The following BCL6 variants were observed in gnomAD, a reference collection of about 807,000 sequenced individuals.
BCL6 encodes B-cell lymphoma 6 protein.
In BCL6, 7 loss-of-function variants were observed where a neutral mutation model predicts 59.5. The observed-to-expected ratio is 0.12, with a 90% CI of 0.07 to 0.22. BCL6 has a LOEUF of 0.22. Among genes scored for constraint, BCL6 ranks in the 10% least tolerant of loss-of-function variants. The pLI is 1.00. For missense variants in BCL6, 685 were observed against 939.4 expected (o/e 0.73, Z 3.54); for synonymous variants, 339 against 349.7 (o/e 0.97, Z 0.34).
intron 1 of BCL6, among the ~76,000 whole-genome samples, chr3:187,745,129 T>C (rs187193348): frequency 3.3e-5 from 5 of 151,932 alleles, no homozygotes; most frequent in Middle Eastern, 3.4e-3. Flanking sequence ...ACAATAATAA[T>C]AATAAATACA....
rs966365061 is a variant in BCL6, at chr3:187,745,401, A to C, written c.-50+9T>G. 2.5e-6 allele frequency: 1 copy of C among 401,888 alleles called. No individual in the cohort carries two copies. Among genetic ancestry groups the C allele is most frequent in the African/African-American group, 2.0e-5 (1 of 48,796 alleles). The allele number at this position is 401,888 out of a possible 1,614,324, so 24.9% of individuals were successfully genotyped here. A position where few individuals can be genotyped will look rare whatever the true frequency, so the allele number is the denominator to read the frequency against. ...CAGCAGCAGCGGCGGCAGCAACAGCAATAATCACCTGGTGTCCGGCCTTTC... is the reference window on the plus strand; with the variant it reads ...CAGCAGCAGCGGCGGCAGCAACAGCCATAATCACCTGGTGTCCGGCCTTTC... On this transcript the variant is annotated intron_variant, in intron 1 of 9. Coordinates refer to ENST00000406870, the MANE Select transcript of BCL6 (RefSeq NM_001706.5).
intron 1 of BCL6, chr3:187,736,446 C>T (rs1246156022): frequency 3.9e-5 from 6 of 152,196 alleles, no homozygotes; most frequent in African/African-American, 1.4e-4. Flanking sequence ...GATCCTCAAA[C>T]ACTTCTGGAA....
chr3:187,729,509 G>C lies in BCL6; in HGVS notation c.896C>G (p.Ala299Gly), dbSNP rs1718915290. The C allele has an allele frequency of 6.2e-7, 1 of 1,613,552 alleles. No homozygotes were observed. Among genetic ancestry groups the C allele is most frequent in the African/African-American group, 1.3e-5 (1 of 74,896 alleles). ...RNAPYFPCDKASKEEERPSSE... is the reference protein window; with the variant it reads ...RNAPYFPCDKGSKEEERPSSE... ...GGAGGGTCTCTCTTCTTCTTTGCTG[G>C]CCTTGTCACAAGGGAAGTAGGGGGC... The change falls in exon 5 of 10, where the codon GCC becomes GGC. Residue 299 changes from alanine to glycine, a missense_variant. Coordinates refer to ENST00000406870, the MANE Select transcript of BCL6 (RefSeq NM_001706.5). This position sits in a 1 kb window ranked among gnomAD's most constrained non-coding sequence, Gnocchi z 5.6.
chr3:187,741,432 A>C (rs1441381877), intron 1 of BCL6, among the ~76,000 whole-genome samples: 1 of 152,064 alleles, frequency 6.6e-6, no homozygotes, highest in Non-Finnish European at 1.5e-5. Context: ...ATCTTCTCGG[A>C]GGAAAGGGGC....
At chr3:187,745,126 T>C (rs553767962) in intron 1 of BCL6, among the ~76,000 whole-genome samples, 3 of 151,894 alleles carry the variant, frequency 2.0e-5, no homozygotes, top group East Asian at 1.9e-4. Flanking sequence ...ACAACAATAA[T>C]AATAATAAAT....
chr3:187,737,687 C>T (rs1021074037), intron 1 of BCL6: 5 of 150,798 alleles, frequency 3.3e-5, no homozygotes, highest in Non-Finnish European at 1.5e-5. Context: ...CCGTGGCGGC[C>T]CTTAATTTAG....
intron 1 of BCL6, chr3:187,738,007 G>C (rs1417011943): frequency 6.6e-6 from 1 of 152,048 alleles, no homozygotes; most frequent in Non-Finnish European, 1.5e-5. Flanking sequence ...GCTGGGGAAG[G>C]CTCGCGGGGA....
At chr3:187,739,855 T>C (rs1158828457) in intron 1 of BCL6, among the ~76,000 whole-genome samples, 1 of 152,054 alleles carries the variant, frequency 6.6e-6, no homozygotes, top group Non-Finnish European at 1.5e-5. Flanking sequence ...AAAAATCCGA[T>C]CTGGAAAGAA....
At chr3:187,745,130 A>T (rs542726070) in intron 1 of BCL6, among the ~76,000 whole-genome samples, 4 of 152,236 alleles carry the variant, frequency 2.6e-5, no homozygotes, top group East Asian at 1.9e-4. Context: ...CAATAATAAT[A>T]ATAAATACAT....
At chr3:187,744,989 T>C (rs947815129) in intron 1 of BCL6, among the ~76,000 whole-genome samples, 1 of 151,186 alleles carries the variant, frequency 6.6e-6, no homozygotes, top group South Asian at 2.1e-4. Flanking sequence ...CCAAGCACTG[T>C]CTCGTCCTCT....
At chr3:187,741,149 TGCCTCTAAAA>T (rs1258830824) in intron 1 of BCL6, among the ~76,000 whole-genome samples, 2 of 152,220 alleles carry the variant, frequency 1.3e-5, no homozygotes, top group Non-Finnish European at 2.9e-5. Context: ...GGGGTGTGAT[TGCCTCTAAAA>T]GCAAAGCTAG....
chr3:187,725,175 C>T lies in BCL6; in HGVS notation c.1840-97G>A, dbSNP rs918577381. 3 of 1,537,054 alleles carry T rather than the reference C, an allele frequency of 2.0e-6. No homozygotes were observed. The highest frequency in any genetic ancestry group is 2.7e-6 in the Non-Finnish European group (3 of 1,122,948). On this transcript the variant is annotated intron_variant, in intron 8 of 9. Transcript: ENST00000406870. This position sits in a 1 kb window ranked among gnomAD's most constrained non-coding sequence, Gnocchi z 4.7. ...CACAGCCAGTGAGTGGGCCTTTCTCCAGGCCACTCTGCTCACCTGCACACA... is the reference window on the plus strand; with the variant it reads ...CACAGCCAGTGAGTGGGCCTTTCTCTAGGCCACTCTGCTCACCTGCACACA...
chr3:187,730,306 T>C (rs1054957904), intron 4 of BCL6, among the ~76,000 whole-genome samples: 1 of 152,240 alleles, frequency 6.6e-6, no homozygotes, highest in Admixed American at 6.5e-5. Context: ...TCTATGCATG[T>C]GTGTGAATCT....
intron 9 of BCL6, among the ~76,000 whole-genome samples, chr3:187,724,411 G>A (rs114571972): frequency 0.017 from 2,661 of 152,216 alleles, 76 homozygotes; most frequent in African/African-American, 0.06. Flanking sequence ...CCACAGTGTC[G>A]TGCTGCATGG....
intron 4 of BCL6, among the ~76,000 whole-genome samples, chr3:187,731,134 G>A (rs1034318485): frequency 7.2e-5 from 11 of 152,126 alleles, no homozygotes; most frequent in Admixed American, 7.2e-4. Context: ...CCTCAGGTAG[G>A]AGATTAAACT....
rs1026114025 is a variant in BCL6, at chr3:187,731,770, T to C, written c.322A>G (p.Thr108Ala). 2 of 1,614,180 alleles carry C rather than the reference T, an allele frequency of 1.2e-6. No homozygotes were observed. The part of the protein sequence containing the change: ...REGNIMAVMA[T>A]AMYLQMEHVV... ...TGCTCCATCTGCAGGTACATAGCCG[T>C]GGCCATCACAGCCATGATGTTGCCC... The change falls in exon 4 of 10, where the codon ACG (threonine) becomes GCG (alanine). Residue 108 changes from threonine (T) to alanine (A), a missense_variant. By Grantham distance (58) the Thr-to-Ala change is moderately conservative. This residue lies in a region of BCL6 where 102 missense variants were observed against 176.6 expected (regional missense o/e 0.58). Transcript: ENST00000406870.
chr3:187,741,051 C>T (rs986223045), intron 1 of BCL6, among the ~76,000 whole-genome samples: 4 of 152,222 alleles, frequency 2.6e-5, no homozygotes, highest in African/African-American at 9.6e-5. Context: ...GGCAGGCCAG[C>T]CCGTCCGAGA....
intron 3 of BCL6, among the ~76,000 whole-genome samples, chr3:187,732,807 T>C (rs991242870): frequency 2.0e-5 from 3 of 152,258 alleles, no homozygotes; most frequent in African/African-American, 7.2e-5. Flanking sequence ...ATTATTTTTA[T>C]ATCTCCATAA....
chr3:187,739,116 C>G (rs3821817), intron 1 of BCL6, among the ~76,000 whole-genome samples: 28,428 of 152,180 alleles, frequency 0.19, 2,783 homozygotes, highest in East Asian at 0.28. Context: ...GCCCTTCCCC[C>G]CTCCTCTCCA....
Sources: gnomAD v4.1 joint callset for allele counts (sites outside exome capture counted in the v4.1 genomes callset) on GRCh38, gnomAD v4.1.1 for gene constraint, gnomAD v4.1.1 regional missense constraint, Gnocchi (gnomAD v3.1) non-coding constraint, MANE v1.5 for transcripts, NCBI Gene and HGNC (gene_info 2026-07-23, HGNC 2026-07-21) for gene names.